The following KIF7 variants were observed in gnomAD, a reference collection of about 807,000 sequenced individuals.
KIF7 encodes kinesin-like protein KIF7.
In KIF7, 104 loss-of-function variants were observed where a neutral mutation model predicts 135.7. The observed-to-expected ratio is 0.77, with a 90% CI of 0.65 to 0.90. KIF7 has a LOEUF of 0.90. KIF7 is among the 40% of genes least tolerant of loss of function. KIF7 has a pLI of 0.00. For synonymous variants in KIF7, 883 were observed against 809.4 expected, an observed-to-expected ratio of 1.09 and a Z score of -1.54; for missense variants, 2,005 against 1,839.1, an observed-to-expected ratio of 1.09 and a Z score of -1.65.
chr15:89,644,015 G>C (rs1963967762), intron 10 of KIF7, among the ~76,000 whole-genome samples: 1 of 151,148 alleles, frequency 6.6e-6, no homozygotes, highest in Admixed American at 6.6e-5. Flanking sequence ...GAAAGGACAT[G>C]AAGTCTGGCA....
At chr15:89,626,126 C>CA (rs1380460393), downstream of KIF7, 1 of 1,582,372 alleles carries the variant, frequency 6.3e-7, no homozygotes, top group Non-Finnish European at 8.6e-7. Context: ...CCAGGGTTGC[C>CA]AGGCAGCTCG....
At chr15:89,634,031 G>T in intron 11 of KIF7, 148 bp from the exon 12 acceptor site, 1 of 845,256 alleles carries the variant, frequency 1.2e-6, no homozygotes, top group Non-Finnish European at 1.9e-6. Flanking sequence ...GGGTGCGGTG[G>T]CTCACGTCTG....
At chr15:89,631,104 A>G (rs1963664466) in intron 15 of KIF7, 1 of 257,172 alleles carries the variant, frequency 3.9e-6, no homozygotes, top group South Asian at 6.3e-5. Flanking sequence ...CACACAGCAC[A>G]TGACTATAGT....
chr15:89,627,236 G>A (rs1314197859), downstream of KIF7: 4 of 926,420 alleles, frequency 4.3e-6, no homozygotes, highest in East Asian at 1.0e-4. Flanking sequence ...TTCCCCTTAT[G>A]GATCCAATCC....
In KIF7 at chr15:89,648,682, G is replaced by T; in HGVS notation, c.1016C>A (p.Thr339Asn). ...SSSDFDETLN[T>N]LNYASRAQNI... ...CTGGGCGCGGCTGGCGTAGTTGAGG[G>T]TGTTGAGGGTCTCGTCGAAGTCGGA... The change falls in exon 5 of 19, where the codon ACC (threonine) becomes AAC (asparagine). Residue 339 changes from threonine (T) to asparagine (N), a missense_variant. Transcript: ENST00000394412. 1.3e-6 allele frequency: 2 copies of T among 1,535,994 alleles called. No homozygotes were observed. The highest frequency in any genetic ancestry group is 8.7e-7 in the Non-Finnish European group (1 of 1,146,380).
chr15:89,625,243 C>T (rs778275631), downstream of KIF7: 2 of 1,613,682 alleles, frequency 1.2e-6, no homozygotes, highest in South Asian at 1.1e-5. Flanking sequence ...CTACATCTGC[C>T]AGGCCTGTAC....
intron 8 of KIF7, 81 bp downstream of exon 8, chr15:89,645,812 G>A (rs1964001666): frequency 2.0e-6 from 3 of 1,536,480 alleles, no homozygotes; most frequent in African/African-American, 2.7e-5. Context: ...TGTCAGGAGA[G>A]GAGACGGTGC....
At chr15:89,652,142 A>T (rs1964133679) in intron 2 of KIF7, among the ~76,000 whole-genome samples, 1 of 152,178 alleles carries the variant, frequency 6.6e-6, no homozygotes, top group Non-Finnish European at 1.5e-5. Flanking sequence ...CAGTTGGCCC[A>T]AAGGATCTTT....
Position 89,632,914 on chromosome 15 carries a change from TC to T in KIF7, c.2800del (p.Glu934ArgfsTer16). The T allele has an allele frequency of 6.3e-7, 1 of 1,581,572 alleles. No individual in the cohort carries two copies. ...GATGGCCTCCCGCTTGTGGAGCTCC[TC>T]CCCCAGCTCCTCCAGCGCCCGCCGC... ...QQRRALEELG[E>X]ELHKREAILA... is the part of the protein sequence containing the mutation. On this transcript the variant is annotated frameshift_variant, in exon 14 of 19. Transcript: ENST00000394412. LOFTEE classifies it high-confidence loss of function.
downstream of KIF7, among the ~76,000 whole-genome samples, chr15:89,623,273 A>G (rs1963454993): frequency 6.6e-6 from 1 of 152,248 alleles, no homozygotes; most frequent in Admixed American, 6.5e-5. Flanking sequence ...CTTTAGGCAA[A>G]GATCAGAAAT....
downstream of KIF7, chr15:89,624,402 C>T (rs778837232): frequency 3.1e-6 from 5 of 1,614,192 alleles, no homozygotes; most frequent in South Asian, 5.5e-5. Flanking sequence ...CCCCTGAACT[C>T]TCACAGAGAG....
At position 89,629,580 on chromosome 15, in the gene KIF7, C is replaced by A. The variant is rs1596065060; in HGVS notation, c.3319-7G>T. On this transcript the variant is annotated splice_polypyrimidine_tract_variant and splice_region_variant and intron_variant, in intron 16 of 18. Transcript: ENST00000394412. ...CCTCTCGGAGCGTCACCACCTGTCC[C>A]AAGACCCAGCCAGGCTCAGCCCTCA... 6.2e-7 allele frequency: 1 copy of A among 1,604,272 alleles called. No individual in the cohort carries two copies.
Position 89,629,034 on chromosome 15 carries a change from C to G in KIF7, c.3606G>C (p.Trp1202Cys). The G allele has an allele frequency of 6.2e-7, 1 of 1,613,696 alleles. No individual in the cohort carries two copies. The highest frequency in any genetic ancestry group is 8.5e-7 in the Non-Finnish European group (1 of 1,179,956). Residue 1202 changes from tryptophan to cysteine, a missense_variant, in exon 18 of 19, where the codon TGG becomes TGC. Transcript: ENST00000394412. ...ALEKELGRYM[W>C]INQELKQKLG... ...GCTTCTGTTTCAGTTCCTGGTTTAT[C>G]CACATGTAACGGCCCAGTTCCTTCT...
chr15:89,630,781 G>C (rs1963657116), intron 15 of KIF7: 1 of 510,086 alleles, frequency 2.0e-6, no homozygotes. Context: ...GGCATGGTTG[G>C]GACAGCCACG....
Position 89,652,491 on chromosome 15 carries a change from C to T in KIF7, c.328+112G>A, listed in dbSNP as rs145451631. 1,898 of 846,716 alleles carry T rather than the reference C, an allele frequency of 2.2e-3. 5 individuals carry two copies. Among genetic ancestry groups the T allele is most frequent in the Non-Finnish European group, 2.9e-3 (1,576 of 549,420 alleles). The allele number at this position is 846,716 out of a possible 1,614,324, so 52.5% of individuals were successfully genotyped here. A position where few individuals can be genotyped will look rare whatever the true frequency, so the allele number is the denominator to read the frequency against. On this transcript the variant is annotated intron_variant, in intron 2 of 18. Coordinates refer to ENST00000394412, the MANE Select transcript of KIF7 (RefSeq NM_198525.3). Reference sequence around the variant, plus strand: ...CCTGTCTAGGAAATCGACTCTTCCTCCCCCAGCATCCCCACCTTCCACAGA... The same window carrying T: ...CCTGTCTAGGAAATCGACTCTTCCTTCCCCAGCATCCCCACCTTCCACAGA...
downstream of KIF7, chr15:89,624,076 G>A (rs1963469331): frequency 6.2e-7 from 1 of 1,613,840 alleles, no homozygotes. Flanking sequence ...GAGAGCAGCA[G>A]CCTTCATGGG....
chr15:89,630,246 C>T (rs757314765), intron 16 of KIF7, 41 bp downstream of exon 16: 1 of 1,587,940 alleles, frequency 6.3e-7, no homozygotes, highest in South Asian at 1.1e-5. Context: ...CCCACACGTG[C>T]CGCTGAGGAG....
Position 89,648,434 on chromosome 15 carries a change from G to C in KIF7, c.1264C>G (p.Leu422Val), listed in dbSNP as rs1003549826. The C allele has an allele frequency of 6.3e-6, 7 of 1,106,168 alleles. No homozygotes were observed. Among genetic ancestry groups the C allele is most frequent in the African/African-American group, 1.7e-5 (1 of 59,142 alleles). The allele number at this position is 1,106,168 out of a possible 1,614,324, so 68.5% of individuals were successfully genotyped here. A position where few individuals can be genotyped will look rare whatever the true frequency, so the allele number is the denominator to read the frequency against. Residue 422 changes from leucine (L) to valine (V), a missense_variant, in exon 5 of 19, where the codon CTC (leucine) becomes GTC (valine). Physicochemically the swap from Leu to Val is conservative, Grantham distance 32 (BLOSUM62 1). Coordinates refer to ENST00000394412, the MANE Select transcript of KIF7 (RefSeq NM_198525.3). ...YRACTDAAYS[L>V]LRELQAEPGL... ...GGCTCGGCCTGCAGCTCGCGCAAGA[G>C]GCTGTAGGCGGCGTCGGTGCAGGCC...
At position 89,632,885 on chromosome 15, in the gene KIF7, C is replaced by A; in HGVS notation, c.2830G>T (p.Ala944Ser). The change falls in exon 14 of 19, where the codon GCC becomes TCC. Residue 944 changes from alanine to serine, a missense_variant. By Grantham distance (99) the Ala-to-Ser change is moderately conservative (BLOSUM62 1). Coordinates refer to ENST00000394412, the MANE Select transcript of KIF7 (RefSeq NM_198525.3). The stretch of plus-strand genomic sequence containing the variant: ...TCCTGCATCAGGGCCTCCTTCTTGG[C>A]CAGGATGGCCTCCCGCTTGTGGAGC... Reference protein sequence around the residue: ...EELHKREAILAKKEALMQEKT... With the variant: ...EELHKREAILSKKEALMQEKT... 1 of 1,610,444 alleles carries A rather than the reference C, an allele frequency of 6.2e-7. No homozygotes were observed. Among genetic ancestry groups the A allele is most frequent in the Non-Finnish European group, 8.5e-7 (1 of 1,179,888 alleles).
Sources: gnomAD v4.1 joint callset for allele counts (sites outside exome capture counted in the v4.1 genomes callset) on GRCh38, gnomAD v4.1.1 for gene constraint, MANE v1.5 for transcripts, NCBI Gene and HGNC (gene_info 2026-07-23, HGNC 2026-07-21) for gene names.